The following MYO1B variants were observed in gnomAD, a reference collection of about 807,000 sequenced individuals.
MYO1B encodes myosin IB, also known as unconventional myosin-Ib.
Under a neutral mutation model 159.7 loss-of-function variants are expected in MYO1B, and 72 were observed. The observed-to-expected ratio is 0.45, with a 90% CI of 0.37 to 0.55. The LOEUF (loss-of-function observed/expected upper bound fraction) is 0.55, where lower values mean the gene tolerates loss of function less well. Ranked by LOEUF, MYO1B falls within the 20% of genes least tolerant of loss-of-function variation. The probability of loss-of-function intolerance (pLI) is 0.00; values close to 1 mark genes in which losing one functional copy is unlikely to be tolerated. For synonymous variants in MYO1B, 468 were observed against 473.8 expected (o/e 0.99, Z 0.16); for missense variants, 1,062 against 1,364.8 (o/e 0.78, Z 3.50).
At chr2:191,392,600 T>TA (rs894871662) in intron 19 of MYO1B, among the ~76,000 whole-genome samples, 226 of 152,030 alleles carry the variant, frequency 1.5e-3, no homozygotes, top group African/African-American at 5.4e-3. Context: ...TTTTTTAAGT[T>TA]AAAAAAAATA....
At chr2:191,362,416 C>T in intron 9 of MYO1B, 45 bp downstream of exon 9, 1 of 1,428,578 alleles carries the variant, frequency 7.0e-7, no homozygotes, top group Non-Finnish European at 9.8e-7. Context: ...CATACCACTG[C>T]ATTGCTCAGC....
At chr2:191,400,876 T>G (rs751904634) in intron 23 of MYO1B, 41 bp downstream of exon 23, 1 of 1,586,392 alleles carries the variant, frequency 6.3e-7, no homozygotes, top group Non-Finnish European at 8.6e-7. Flanking sequence ...CCTGGAATTC[T>G]GCAATAATCA....
chr2:191,277,530 A>G (rs1687825636), intron 2 of MYO1B, among the ~76,000 whole-genome samples: 1 of 152,252 alleles, frequency 6.6e-6, no homozygotes, highest in African/African-American at 2.4e-5. Context: ...CTACTGTACA[A>G]AAGTCTAATG....
At chr2:191,374,458 AGTT>A (rs1385829572) in intron 13 of MYO1B, among the ~76,000 whole-genome samples, 2 of 152,214 alleles carry the variant, frequency 1.3e-5, no homozygotes, top group Non-Finnish European at 2.9e-5. Context: ...AAATGCGTCT[AGTT>A]GTCCCATGGC....
At chr2:191,350,667 C>T (rs57756346) in intron 7 of MYO1B, among the ~76,000 whole-genome samples, 14 of 151,962 alleles carry the variant, frequency 9.2e-5, no homozygotes, top group Non-Finnish European at 1.8e-4. Context: ...GTACTTCAGT[C>T]TTATTTTGAG....
chr2:191,387,226 G>A lies in MYO1B; in HGVS notation c.1557G>A (p.Val519=), dbSNP rs763238371. The change falls in exon 17 of 31, where the codon GTG becomes GTA. Residue 519 remains valine (V), a splice_region_variant and synonymous_variant. Coordinates refer to ENST00000392318, the MANE Select transcript of MYO1B (RefSeq NM_001130158.3). ...CFRIQHYAGK[V]LYQVEGFVDK... ...TGAGTTACATGTGCTGCTTATAGGT[G>A]CTGTACCAGGTGGAAGGATTCGTTG... is the stretch of plus-strand genomic sequence containing the variant. 6.2e-5 allele frequency: 100 copies of A among 1,613,588 alleles called. No individual in the cohort carries two copies. The highest frequency in any genetic ancestry group is 3.3e-5 in the Admixed American group (2 of 59,988).
At chr2:191,382,582 A>C (rs984994801) in intron 14 of MYO1B, among the ~76,000 whole-genome samples, 1 of 152,240 alleles carries the variant, frequency 6.6e-6, no homozygotes, top group African/African-American at 2.4e-5. Context: ...TGTTTAAAAC[A>C]CTTCTAAGAA....
Position 191,362,427 on chromosome 2 carries a change from G to A in MYO1B, c.765+56G>A, listed in dbSNP as rs938487566. The A allele has an allele frequency of 3.3e-5, 44 of 1,324,520 alleles. No individual in the cohort carries two copies. The African/African-American group carries it at 5.1e-4, about 15-fold the overall frequency. 82.0% of individuals were successfully genotyped at this position (1,324,520 alleles called of 1,614,324 possible). A position where few individuals can be genotyped will look rare whatever the true frequency, so the allele number is the denominator to read the frequency against. On this transcript the variant is annotated intron_variant, in intron 9 of 30. Transcript: ENST00000392318. ...ATTGCATACCACTGCATTGCTCAGC[G>A]GGAGCTGGTAGCAATTCTGAGTTTT... is the stretch of plus-strand genomic sequence containing the variant.
chr2:191,376,209 A>T (rs1455533171), intron 13 of MYO1B, among the ~76,000 whole-genome samples: 5 of 152,168 alleles, frequency 3.3e-5, no homozygotes, highest in Non-Finnish European at 5.9e-5. Context: ...AAATTTTCTA[A>T]ACCTTTAGCT....
At chr2:191,286,114 A>G (rs1171669904) in intron 2 of MYO1B, among the ~76,000 whole-genome samples, 1 of 152,160 alleles carries the variant, frequency 6.6e-6, no homozygotes, top group Non-Finnish European at 1.5e-5. Flanking sequence ...AAATTAGGCT[A>G]TTAGCATCAA....
chr2:191,306,516 G>T (rs1167337603), intron 3 of MYO1B, among the ~76,000 whole-genome samples: 1 of 152,160 alleles, frequency 6.6e-6, no homozygotes, highest in Non-Finnish European at 1.5e-5. Flanking sequence ...GATTTGAACT[G>T]CTGTGGGTGT....
At chr2:191,287,600 A>G (rs1335647243) in intron 2 of MYO1B, among the ~76,000 whole-genome samples, 1 of 152,200 alleles carries the variant, frequency 6.6e-6, no homozygotes, top group Non-Finnish European at 1.5e-5. Context: ...ACACAAAACT[A>G]GAGAATTTTG....
At chr2:191,318,416 A>G (rs935497257) in intron 3 of MYO1B, among the ~76,000 whole-genome samples, 2 of 152,200 alleles carry the variant, frequency 1.3e-5, no homozygotes, top group African/African-American at 2.4e-5. Flanking sequence ...TGGAGCTTTC[A>G]TATTGAAGGT....
At chr2:191,315,148 C>T (rs546008568) in intron 3 of MYO1B, among the ~76,000 whole-genome samples, 20 of 115,678 alleles carry the variant, frequency 1.7e-4, no homozygotes, top group African/African-American at 3.6e-4. Flanking sequence ...ATCCTCCCAC[C>T]GTCCGTCCGT....
intron 30 of MYO1B, among the ~76,000 whole-genome samples, chr2:191,421,131 G>A (rs1234826374): frequency 2.0e-5 from 3 of 150,266 alleles, no homozygotes; most frequent in African/African-American, 4.9e-5. Context: ...GTGCAGTGGC[G>A]AGATCTCGGC....
At position 191,406,361 on chromosome 2, in the gene MYO1B, T is replaced by G. The variant is rs898383736; in HGVS notation, c.2557-1754T>G. On this transcript the variant is annotated intron_variant, in intron 24 of 30. Coordinates refer to ENST00000392318, the MANE Select transcript of MYO1B (RefSeq NM_001130158.3). The stretch of plus-strand genomic sequence containing the variant: ...TAATTTCCTTCAAGAATGTTTCCTT[T>G]GCATTTATAACTTGGCTGTTTGGCA... 9.2e-5 allele frequency among the ~76,000 whole-genome samples: 14 copies of G among 152,364 alleles called. No individual in the cohort carries two copies. In the East Asian group the frequency reaches 1.7e-3, roughly 19 times the overall value.
intron 30 of MYO1B, among the ~76,000 whole-genome samples, chr2:191,423,106 T>A (rs997797494): frequency 6.6e-6 from 1 of 152,168 alleles, no homozygotes. Flanking sequence ...TGGAATACAG[T>A]CATGTGTCAT....
chr2:191,345,941 C>A lies in MYO1B; in HGVS notation c.452-295C>A, dbSNP rs1413539768. Among the ~76,000 whole-genome samples the A allele has an allele frequency of 2.0e-5, 3 of 152,240 alleles. No homozygotes were observed. In the East Asian group the frequency reaches 5.8e-4, roughly 29 times the overall value. On this transcript the variant is annotated intron_variant, in intron 5 of 30. Transcript: ENST00000392318. Reference sequence around the variant, plus strand: ...TCCTGGTCACTCAATTGACTACTCTCTAGAAGTGTTAAAAGGTGTTGAATT... The same window carrying A: ...TCCTGGTCACTCAATTGACTACTCTATAGAAGTGTTAAAAGGTGTTGAATT...
intron 3 of MYO1B, among the ~76,000 whole-genome samples, chr2:191,302,256 C>G (rs992989355): frequency 6.6e-6 from 1 of 152,134 alleles, no homozygotes; most frequent in African/African-American, 2.4e-5. Context: ...TTGGTGTCAC[C>G]CTCTTGAATG....
Sources: allele counts gnomAD v4.1 joint callset (sites outside exome capture counted in the v4.1 genomes callset), GRCh38; gene constraint gnomAD v4.1.1; transcripts MANE v1.5; gene names NCBI Gene and HGNC (gene_info 2026-07-23, HGNC 2026-07-21).